MTMR7: variants seen among roughly 807,000 people sequenced by gnomAD.
The protein encoded by MTMR7 is phosphatidylinositol-3-phosphate phosphatase MTMR7.
Under a neutral mutation model 81.2 loss-of-function variants are expected in MTMR7, and 76 were observed. That is an observed-to-expected ratio of 0.94 (90% CI 0.78 to 1.13). MTMR7 has a LOEUF of 1.13. Ranked by LOEUF, MTMR7 falls within the 50% of genes most tolerant of loss-of-function variation. The pLI is 0.00. For missense variants in MTMR7, 1,044 were observed against 820.0 expected (o/e 1.27, Z -3.34); for synonymous variants, 372 against 289.8 (o/e 1.28, Z -2.88).
chr8:17,398,040 C>T (rs765007779), intron 1 of MTMR7, among the ~76,000 whole-genome samples: 27 of 152,218 alleles, frequency 1.8e-4, no homozygotes, highest in Non-Finnish European at 3.4e-4. Context: ...GCTTAAAGCC[C>T]GAGGGCTCTT....
chr8:17,351,066 G>A lies in MTMR7; in HGVS notation c.469-1985C>T, dbSNP rs139902848. ...AGTCAGCCAGCTAGAAGACTATGAC[G>A]TGGACCACACCTGTTTGTTTGAGGT... On this transcript the variant is annotated intron_variant, in intron 4 of 13. Coordinates refer to ENST00000180173, the MANE Select transcript of MTMR7 (RefSeq NM_004686.5). Among the ~76,000 whole-genome samples the A allele has an allele frequency of 3.4e-3, 520 of 152,262 alleles. 4 individuals are homozygous for A. The highest frequency in any genetic ancestry group is 0.012 in the African/African-American group (498 of 41,540).
intron 3 of MTMR7, among the ~76,000 whole-genome samples, chr8:17,369,571 A>G (rs1490930530): frequency 6.6e-6 from 1 of 151,664 alleles, no homozygotes; most frequent in African/African-American, 2.4e-5. Flanking sequence ...CACAACTTCT[A>G]TATAAATGAT....
At chr8:17,387,221 C>A (rs953931139) in intron 1 of MTMR7, among the ~76,000 whole-genome samples, 24 of 152,300 alleles carry the variant, frequency 1.6e-4, no homozygotes, top group African/African-American at 5.3e-4. Flanking sequence ...CCCAGGTATT[C>A]TGATGTACCA....
At chr8:17,328,526 T>C (rs1818814903) in intron 7 of MTMR7, among the ~76,000 whole-genome samples, 1 of 148,428 alleles carries the variant, frequency 6.7e-6, no homozygotes, top group South Asian at 2.1e-4. Flanking sequence ...TGAGAACACA[T>C]GGCCACACGT....
At chr8:17,370,984 T>C (rs554343148) in intron 3 of MTMR7, 53 bp downstream of exon 3, 4 of 1,571,136 alleles carry the variant, frequency 2.5e-6, no homozygotes, top group Non-Finnish European at 3.5e-6. Context: ...TGAATCTGAT[T>C]TGCAAATTTT....
intron 1 of MTMR7, among the ~76,000 whole-genome samples, chr8:17,384,139 A>C (rs1820853025): frequency 6.6e-6 from 1 of 152,192 alleles, no homozygotes; most frequent in South Asian, 2.1e-4. Flanking sequence ...GGCTGGGCAT[A>C]GTGGCTCATA....
chr8:17,338,838 G>A (rs1220482168), intron 6 of MTMR7: 1 of 152,020 alleles, frequency 6.6e-6, no homozygotes, highest in East Asian at 1.9e-4. Flanking sequence ...TGATCTAGCT[G>A]TGGTATCGGT....
chr8:17,409,884 G>T (rs77144936), intron 1 of MTMR7, among the ~76,000 whole-genome samples: 4 of 152,180 alleles, frequency 2.6e-5, no homozygotes, highest in African/African-American at 7.2e-5. Context: ...AAAAGAACTG[G>T]TCCCACTGGA....
At chr8:17,367,601 C>A (rs1370993341) in intron 3 of MTMR7, among the ~76,000 whole-genome samples, 1 of 152,206 alleles carries the variant, frequency 6.6e-6, no homozygotes, top group African/African-American at 2.4e-5. Context: ...TGTTATCAAT[C>A]TTTATTCACA....
At chr8:17,307,458 C>A (rs1817527485) in intron 10 of MTMR7, among the ~76,000 whole-genome samples, 1 of 152,116 alleles carries the variant, frequency 6.6e-6, no homozygotes, top group African/African-American at 2.4e-5. Flanking sequence ...CTAGTTCAAC[C>A]ATTGTGGAAG....
At chr8:17,390,218 G>A (rs1821066392) in intron 1 of MTMR7, among the ~76,000 whole-genome samples, 1 of 151,938 alleles carries the variant, frequency 6.6e-6, no homozygotes, top group African/African-American at 2.4e-5. Context: ...AGCGGCTTTT[G>A]CTTCTGGGGA....
At chr8:17,386,656 T>A (rs1329399607) in intron 1 of MTMR7, among the ~76,000 whole-genome samples, 1 of 141,104 alleles carries the variant, frequency 7.1e-6, no homozygotes, top group African/African-American at 2.6e-5. Context: ...ATGGCTCCAG[T>A]TGCCCCTGTC....
intron 6 of MTMR7, among the ~76,000 whole-genome samples, chr8:17,335,401 C>G (rs547915407): frequency 2.0e-5 from 3 of 152,206 alleles, no homozygotes; most frequent in African/African-American, 7.2e-5. Context: ...GATTCTCACC[C>G]TAACCCTGAA....
intron 3 of MTMR7, among the ~76,000 whole-genome samples, chr8:17,369,914 G>C (rs150508215): frequency 0.01 from 1,581 of 151,918 alleles, 34 homozygotes; most frequent in African/African-American, 0.036. Flanking sequence ...CAAAGTGCTG[G>C]GATTACAGAT....
At chr8:17,354,318 G>A (rs1329379428) in intron 4 of MTMR7, among the ~76,000 whole-genome samples, 1 of 152,188 alleles carries the variant, frequency 6.6e-6, no homozygotes, top group Non-Finnish European at 1.5e-5. Flanking sequence ...TGAAATAAAT[G>A]AGCTTTAATA....
intron 7 of MTMR7, among the ~76,000 whole-genome samples, chr8:17,321,191 T>G (rs73666115): frequency 0.022 from 3,377 of 152,262 alleles, 148 homozygotes; most frequent in African/African-American, 0.077. Context: ...ACTGCAAGTT[T>G]AAAAATAAAG....
At chr8:17,311,304 A>G (rs1380530546) in intron 9 of MTMR7, among the ~76,000 whole-genome samples, 1 of 152,186 alleles carries the variant, frequency 6.6e-6, no homozygotes, top group Non-Finnish European at 1.5e-5. Context: ...TGGTTTCAAT[A>G]TCCCAGAAAT....
In MTMR7 at chr8:17,370,955, T is replaced by C. The variant is rs113572870; in HGVS notation, c.310+82A>G. The C allele has an allele frequency of 9.8e-6, 14 of 1,423,260 alleles. No individual in the cohort carries two copies. The African/African-American group carries it at 1.4e-4, about 14-fold the overall frequency. The allele number at this position is 1,423,260 out of a possible 1,614,324, so 88.2% of individuals were successfully genotyped here. On this transcript the variant is annotated intron_variant, in intron 3 of 13. Transcript: ENST00000180173. ...ATAATCCCTGAACCCCTATCATTCC[T>C]AAGCACCATACAAATTCTTGAATCT...
chr8:17,307,132 C>T (rs944007192), intron 10 of MTMR7, among the ~76,000 whole-genome samples: 4 of 152,044 alleles, frequency 2.6e-5, no homozygotes, highest in African/African-American at 9.7e-5. Flanking sequence ...ATTTTTGCAA[C>T]CTACTCATCT....
Sources: gnomAD v4.1 joint callset for allele counts (sites outside exome capture counted in the v4.1 genomes callset) on GRCh38, gnomAD v4.1.1 for gene constraint, MANE v1.5 for transcripts, NCBI Gene and HGNC (gene_info 2026-07-23, HGNC 2026-07-21) for gene names.